Variants in CEP63 observed in about 807,000 individuals in gnomAD.
The protein encoded by CEP63 is centrosomal protein of 63 kDa.
CEP63 carries 84 observed loss-of-function variants against 89.1 expected under a neutral mutation model. That is an observed-to-expected ratio of 0.94 (90% CI 0.79 to 1.13). The LOEUF is 1.13. Among genes scored for constraint, CEP63 ranks in the 50% most tolerant of loss-of-function variants. CEP63 has a pLI of 0.00. For missense variants in CEP63, 838 were observed against 813.3 expected (o/e 1.03, Z -0.37); for synonymous variants, 267 against 272.5 (o/e 0.98, Z 0.20).
intron 9 of CEP63, among the ~76,000 whole-genome samples, chr3:134,548,089 T>C (rs569765037): frequency 6.6e-6 from 1 of 152,334 alleles, no homozygotes; most frequent in East Asian, 1.9e-4. Flanking sequence ...AAGTTCTTTC[T>C]GTCTGCTGAA....
the CEP63 span, among the ~76,000 whole-genome samples, chr3:134,601,917 C>T: frequency 6.6e-5 from 10 of 152,240 alleles, no homozygotes; most frequent in Non-Finnish European, 1.3e-4. Flanking sequence ...AGTTTCCTCA[C>T]CCTGTACTCT....
intron 6 of CEP63, among the ~76,000 whole-genome samples, chr3:134,540,479 A>G (rs1348322931): frequency 2.0e-5 from 3 of 152,174 alleles, no homozygotes; most frequent in East Asian, 3.9e-4. Context: ...ATATTTTAAT[A>G]TATATTGCCA....
At chr3:134,663,129 C>T in the CEP63 span, among the ~76,000 whole-genome samples, 1 of 152,296 alleles carries the variant, frequency 6.6e-6, no homozygotes, top group South Asian at 2.1e-4. Context: ...GCTCCATGTG[C>T]CCCAGATACA....
chr3:134,695,097 G>C, the CEP63 span, among the ~76,000 whole-genome samples: 4 of 152,200 alleles, frequency 2.6e-5, no homozygotes, highest in African/African-American at 9.7e-5. Context: ...AAAAGTTCCA[G>C]GTCAGCCGGC....
At position 134,559,305 on chromosome 3, in the gene CEP63, G is replaced by C; in HGVS notation, c.1829G>C (p.Arg610Thr). ...SPQISPCSST[R>T]SLTSYSLCKT... ...CAAATCAGCCCTTGCAGCTCCACCA[G>C]GTCTTTGACTTCCTACTCTCTATGT... Residue 610 changes from arginine to threonine, a missense_variant, in exon 14 of 15, where the codon AGG becomes ACG. Arg to Thr is a moderately conservative substitution (Grantham distance 71, BLOSUM62 -1). Transcript: ENST00000675561. 1 of 1,614,060 alleles carries C rather than the reference G, an allele frequency of 6.2e-7. No individual in the cohort carries two copies. The highest frequency in any genetic ancestry group is 1.6e-4 in the Middle Eastern group (1 of 6,062).
intron 3 of CEP63, among the ~76,000 whole-genome samples, chr3:134,526,630 C>T (rs933540762): frequency 6.6e-5 from 10 of 152,116 alleles, no homozygotes; most frequent in Non-Finnish European, 8.8e-5. Flanking sequence ...CAGTTCTGAA[C>T]CCTTACTGGA....
At chr3:134,553,782 T>G (rs907802912) in intron 12 of CEP63, among the ~76,000 whole-genome samples, 58 of 152,176 alleles carry the variant, frequency 3.8e-4, no homozygotes, top group African/African-American at 1.4e-3. Flanking sequence ...CTGGGTCATG[T>G]GTGTTTCTGA....
chr3:134,751,405 A>G, the CEP63 span, among the ~76,000 whole-genome samples: 2 of 152,232 alleles, frequency 1.3e-5, no homozygotes, highest in East Asian at 3.8e-4. Context: ...CTATAGGCTA[A>G]TTTGATGCTT....
At chr3:134,630,957 A>C in the CEP63 span, among the ~76,000 whole-genome samples, 1 of 152,264 alleles carries the variant, frequency 6.6e-6, no homozygotes, top group South Asian at 2.1e-4. Flanking sequence ...AAATATAGTT[A>C]AAAATTCTCT....
chr3:134,578,075 A>G (rs1958255080), downstream of CEP63, among the ~76,000 whole-genome samples: 1 of 152,190 alleles, frequency 6.6e-6, no homozygotes, highest in South Asian at 2.1e-4. Flanking sequence ...CAGTGCTGCA[A>G]TAAACGTGTG....
intron 3 of CEP63, among the ~76,000 whole-genome samples, chr3:134,523,020 A>T (rs973773281): frequency 3.3e-5 from 5 of 152,138 alleles, no homozygotes; most frequent in African/African-American, 1.2e-4. Flanking sequence ...TTCCACCAAC[A>T]GTGTATAAGC....
At chr3:134,569,330 C>T (rs552338908), downstream of CEP63, among the ~76,000 whole-genome samples, 35 of 152,294 alleles carry the variant, frequency 2.3e-4, no homozygotes, top group South Asian at 1.0e-3. Flanking sequence ...AAATCTGAGC[C>T]GATGAGCCTG....
chr3:134,566,522 A>G (rs1957765216), downstream of CEP63, among the ~76,000 whole-genome samples: 1 of 152,160 alleles, frequency 6.6e-6, no homozygotes, highest in Non-Finnish European at 1.5e-5. Flanking sequence ...GGAGGAGTCC[A>G]ACCTCTCCCT....
At chr3:134,757,147 G>A in the CEP63 span, among the ~76,000 whole-genome samples, 1 of 152,186 alleles carries the variant, frequency 6.6e-6, no homozygotes, top group Non-Finnish European at 1.5e-5. Flanking sequence ...CTTACCCACA[G>A]CCACTGATGA....
the CEP63 span, among the ~76,000 whole-genome samples, chr3:134,732,986 G>A: frequency 1.3e-5 from 2 of 152,102 alleles, no homozygotes; most frequent in African/African-American, 4.8e-5. Flanking sequence ...CTTTCCCCAA[G>A]TCCCAGTGTT....
At chr3:134,638,750 T>C in the CEP63 span, among the ~76,000 whole-genome samples, 1 of 152,258 alleles carries the variant, frequency 6.6e-6, no homozygotes, top group Non-Finnish European at 1.5e-5. Context: ...ACCTGACAGC[T>C]GCTCTCCAGA....
At chr3:134,595,791 T>G in the CEP63 span, among the ~76,000 whole-genome samples, 1 of 152,294 alleles carries the variant, frequency 6.6e-6, no homozygotes, top group South Asian at 2.1e-4. Flanking sequence ...TTTTTTACAC[T>G]TCATCCTGCA....
chr3:134,696,754 A>G, the CEP63 span, among the ~76,000 whole-genome samples: 2 of 152,174 alleles, frequency 1.3e-5, no homozygotes, highest in African/African-American at 2.4e-5. Flanking sequence ...TCAAACATGT[A>G]TATTGCTTTT....
At chr3:134,700,875 C>T in the CEP63 span, among the ~76,000 whole-genome samples, 3 of 152,124 alleles carry the variant, frequency 2.0e-5, no homozygotes, top group African/African-American at 7.2e-5. Flanking sequence ...TCTTGGCTCC[C>T]CTCCCATCAG....
Sources: allele counts gnomAD v4.1 joint callset (sites outside exome capture counted in the v4.1 genomes callset), GRCh38; gene constraint gnomAD v4.1.1; transcripts MANE v1.5; gene names NCBI Gene and HGNC (gene_info 2026-07-23, HGNC 2026-07-21).